Variants in CAAP1 observed in about 807,000 individuals in gnomAD.
CAAP1 encodes caspase activity and apoptosis inhibitor 1, also known as conserved anti-apoptotic protein.
In CAAP1, 20 loss-of-function variants were observed where a neutral mutation model predicts 34.0. The ratio of observed to expected loss-of-function variants is 0.59; its 90% CI spans 0.41 to 0.86. CAAP1 has a LOEUF of 0.86. Among genes scored for constraint, CAAP1 ranks in the 40% least tolerant of loss-of-function variants. The pLI is 0.00. For missense variants in CAAP1, 538 were observed against 450.5 expected, an observed-to-expected ratio of 1.19 and a Z score of -1.76; for synonymous variants, 213 against 166.7, an observed-to-expected ratio of 1.28 and a Z score of -2.14.
At chr9:26,863,430 A>C (rs1823051874) in intron 4 of CAAP1, among the ~76,000 whole-genome samples, 1 of 152,196 alleles carries the variant, frequency 6.6e-6, no homozygotes, top group South Asian at 2.1e-4. Flanking sequence ...TAAAATATAA[A>C]GTTCTCTAAT....
chr9:26,890,901 C>A (rs1823886723), intron 1 of CAAP1, among the ~76,000 whole-genome samples: 1 of 151,814 alleles, frequency 6.6e-6, no homozygotes, highest in Non-Finnish European at 1.5e-5. Flanking sequence ...GCCGGGATCA[C>A]GCCACTGCAC....
chr9:26,866,194 A>G (rs1823133934), intron 4 of CAAP1, among the ~76,000 whole-genome samples: 1 of 152,192 alleles, frequency 6.6e-6, no homozygotes, highest in Non-Finnish European at 1.5e-5. Context: ...TAAATGTCTA[A>G]TAAGAGACTG....
intron 1 of CAAP1, among the ~76,000 whole-genome samples, chr9:26,891,558 A>T (rs1364127826): frequency 6.7e-6 from 1 of 148,996 alleles, no homozygotes; most frequent in Non-Finnish European, 1.5e-5. Context: ...AGGTGTTTGT[A>T]TTGTAGTCAC....
At chr9:26,852,372 T>C (rs1159500020) in intron 5 of CAAP1, among the ~76,000 whole-genome samples, 1 of 151,978 alleles carries the variant, frequency 6.6e-6, no homozygotes, top group African/African-American at 2.4e-5. Context: ...GGAGAATTGC[T>C]TGAACCCGGG....
At chr9:26,850,015 T>C (rs1296774754) in intron 5 of CAAP1, among the ~76,000 whole-genome samples, 1 of 152,076 alleles carries the variant, frequency 6.6e-6, no homozygotes, top group Admixed American at 6.6e-5. Context: ...ATTTTTTGTA[T>C]TTTTAGTAGA....
chr9:26,881,723 A>C (rs552791392), intron 4 of CAAP1, among the ~76,000 whole-genome samples: 1 of 152,332 alleles, frequency 6.6e-6, no homozygotes, highest in African/African-American at 2.4e-5. Flanking sequence ...CTGCTGTACA[A>C]ATACACGAAA....
intron 3 of CAAP1, 157 bp from the exon 4 acceptor site, chr9:26,885,042 T>C: frequency 1.7e-6 from 1 of 584,884 alleles, no homozygotes; most frequent in Non-Finnish European, 3.0e-6. Flanking sequence ...TTAAAATAAT[T>C]TTTTCAATGC....
At chr9:26,874,938 T>C (rs1372937982) in intron 4 of CAAP1, among the ~76,000 whole-genome samples, 1 of 152,180 alleles carries the variant, frequency 6.6e-6, no homozygotes, top group Non-Finnish European at 1.5e-5. Context: ...TTATAATCTT[T>C]AAAGCTTGTT....
At chr9:26,865,811 T>C (rs1470824387) in intron 4 of CAAP1, among the ~76,000 whole-genome samples, 2 of 152,120 alleles carry the variant, frequency 1.3e-5, no homozygotes, top group African/African-American at 4.8e-5. Flanking sequence ...CTAGGAAGGT[T>C]TCGTAGTAGT....
intron 4 of CAAP1, among the ~76,000 whole-genome samples, chr9:26,876,008 C>G (rs919498308): frequency 6.6e-6 from 1 of 152,116 alleles, no homozygotes; most frequent in African/African-American, 2.4e-5. Flanking sequence ...AGTTTAGTGG[C>G]TTAAAAGAAC....
intron 4 of CAAP1, among the ~76,000 whole-genome samples, chr9:26,876,468 G>C (rs563257498): frequency 2.0e-4 from 27 of 132,628 alleles, no homozygotes; most frequent in Middle Eastern, 4.0e-3. Flanking sequence ...ATGCATTCTA[G>C]AAGGTTTTTT....
intron 4 of CAAP1, among the ~76,000 whole-genome samples, chr9:26,865,267 G>A (rs1037304818): frequency 1.3e-5 from 2 of 152,186 alleles, no homozygotes; most frequent in African/African-American, 4.8e-5. Flanking sequence ...GCTCATGCCT[G>A]TAATCCCAGC....
In CAAP1 at chr9:26,892,711, G is replaced by C; in HGVS notation, c.5C>G (p.Thr2Arg). The change falls in exon 1 of 6, where the codon ACG becomes AGG. Residue 2 changes from threonine (T) to arginine (R), a missense_variant. Thr to Arg is a moderately conservative substitution (Grantham distance 71, BLOSUM62 -1). This residue lies in a region of CAAP1 where 514 missense variants were observed against 408.4 expected (regional missense o/e 1.26). Coordinates refer to ENST00000333916, the MANE Select transcript of CAAP1 (RefSeq NM_024828.4). M[T>R]GKKSSREKRR... ...TTTCTCCCGGGAGGACTTTTTCCCCGTCATGATCCCTCTGCTGCAACCATC... is the reference window on the plus strand; with the variant it reads ...TTTCTCCCGGGAGGACTTTTTCCCCCTCATGATCCCTCTGCTGCAACCATC... 1 of 1,591,914 alleles carries C rather than the reference G, an allele frequency of 6.3e-7. No individual in the cohort carries two copies. The highest frequency in any genetic ancestry group is 8.5e-7 in the Non-Finnish European group (1 of 1,173,260).
At chr9:26,853,759 G>C (rs1822808004) in intron 5 of CAAP1, among the ~76,000 whole-genome samples, 1 of 152,184 alleles carries the variant, frequency 6.6e-6, no homozygotes, top group African/African-American at 2.4e-5. Context: ...AGAGGGTCTG[G>C]TCTCGGCAGC....
At chr9:26,858,377 G>C (rs1822921935) in intron 5 of CAAP1, among the ~76,000 whole-genome samples, 1 of 152,108 alleles carries the variant, frequency 6.6e-6, no homozygotes, top group Admixed American at 6.6e-5. Context: ...TTACTATCTA[G>C]TCAGATTTCA....
chr9:26,868,631 T>A (rs139479990), intron 4 of CAAP1, among the ~76,000 whole-genome samples: 5 of 152,330 alleles, frequency 3.3e-5, no homozygotes, highest in African/African-American at 1.2e-4. Flanking sequence ...AACACACTTA[T>A]AATTTTAAAA....
intron 3 of CAAP1, 40 bp downstream of exon 3, chr9:26,886,064 A>T: frequency 9.9e-7 from 1 of 1,009,542 alleles, no homozygotes; most frequent in Non-Finnish European, 1.5e-6. Flanking sequence ...ATATAGTATT[A>T]ACTAAGAAGT....
chr9:26,867,604 T>A (rs914051656), intron 4 of CAAP1, among the ~76,000 whole-genome samples: 5 of 152,182 alleles, frequency 3.3e-5, no homozygotes, highest in African/African-American at 1.2e-4. Flanking sequence ...TTTTTTTAGG[T>A]ATTAGCATTA....
chr9:26,871,303 C>T (rs754159052), intron 4 of CAAP1, among the ~76,000 whole-genome samples: 28 of 152,100 alleles, frequency 1.8e-4, no homozygotes, highest in African/African-American at 3.6e-4. Context: ...AGAGACCAGG[C>T]GCAGTGGCTC....
Sources: gnomAD v4.1 joint callset for allele counts (sites outside exome capture counted in the v4.1 genomes callset) on GRCh38, gnomAD v4.1.1 for gene constraint, gnomAD v4.1.1 regional missense constraint, MANE v1.5 for transcripts, NCBI Gene and HGNC (gene_info 2026-07-23, HGNC 2026-07-21) for gene names.